The following TRIQK variants were observed in gnomAD, a reference collection of about 807,000 sequenced individuals.
TRIQK encodes the protein triple QxxK/R motif containing, also known as triple QxxK/R motif-containing protein.
A neutral mutation model predicts 10.8 loss-of-function variants in TRIQK; 10 were observed. That is an observed-to-expected ratio of 0.92 (90% confidence interval 0.57 to 1.57). TRIQK has a LOEUF of 1.57. Ranked by LOEUF, TRIQK falls within the 40% of genes most tolerant of loss-of-function variation. The pLI, the probability that TRIQK is intolerant of heterozygous loss-of-function variation, is 0.00. For missense variants in TRIQK, 107 were observed against 97.7 expected (o/e 1.09, Z -0.40); for synonymous variants, 33 against 33.7 (o/e 0.98, Z 0.07).
intron 1 of TRIQK, among the ~76,000 whole-genome samples, chr8:92,964,458 ATATATC>A (rs1226144674): frequency 5.0e-5 from 6 of 120,604 alleles, no homozygotes; most frequent in Non-Finnish European, 9.4e-5. Context: ...AGGTATATAT[ATATATC>A]TATATATATA....
chr8:92,901,548 T>G (rs1808941336), intron 3 of TRIQK, among the ~76,000 whole-genome samples: 1 of 152,194 alleles, frequency 6.6e-6, no homozygotes, highest in African/African-American at 2.4e-5. Context: ...TGTATCACAT[T>G]GTTTGATTTG....
intron 1 of TRIQK, among the ~76,000 whole-genome samples, chr8:93,001,919 C>T (rs1281149259): frequency 2.0e-5 from 3 of 152,100 alleles, no homozygotes; most frequent in Non-Finnish European, 4.4e-5. Flanking sequence ...GAAGACAGAG[C>T]TCATATTGAT....
chr8:92,921,733 T>C (rs1810201484), intron 2 of TRIQK: 2 of 151,916 alleles, frequency 1.3e-5, no homozygotes, highest in African/African-American at 4.8e-5. Context: ...TTACAATAGT[T>C]GTCATCACTG....
intron 3 of TRIQK, among the ~76,000 whole-genome samples, chr8:92,911,538 T>A (rs1411006393): frequency 2.6e-5 from 4 of 151,362 alleles, no homozygotes; most frequent in African/African-American, 9.7e-5. Context: ...AAGACTAGCT[T>A]TAGATTTAAT....
chr8:92,942,536 A>C (rs1353404768), intron 2 of TRIQK, among the ~76,000 whole-genome samples: 1 of 152,200 alleles, frequency 6.6e-6, no homozygotes, highest in Non-Finnish European at 1.5e-5. Flanking sequence ...TGGAAGTCCT[A>C]GCCAGAGAAA....
chr8:92,929,633 G>A (rs562682538), intron 2 of TRIQK: 1 of 152,220 alleles, frequency 6.6e-6, no homozygotes, highest in South Asian at 2.1e-4. Flanking sequence ...CATTGGGGGA[G>A]GGGTGTGCTG....
chr8:92,944,100 A>G (rs1811401524), intron 2 of TRIQK, among the ~76,000 whole-genome samples: 2 of 152,332 alleles, frequency 1.3e-5, no homozygotes, highest in South Asian at 4.1e-4. Flanking sequence ...AATGGCCAAC[A>G]GTTATATTAA....
intron 3 of TRIQK, among the ~76,000 whole-genome samples, chr8:92,901,870 T>G (rs558830958): frequency 6.6e-5 from 10 of 152,268 alleles, no homozygotes; most frequent in African/African-American, 2.4e-4. Context: ...GCCATCAGGT[T>G]CTGGGCTTTT....
chr8:92,970,499 T>G (rs1203587659), upstream of TRIQK, among the ~76,000 whole-genome samples: 3 of 152,232 alleles, frequency 2.0e-5, no homozygotes, highest in Non-Finnish European at 4.4e-5. Flanking sequence ...CCATTCTGAC[T>G]GGTGTGAAAT....
chr8:92,994,703 T>C (rs1813134779), intron 1 of TRIQK, among the ~76,000 whole-genome samples: 1 of 151,974 alleles, frequency 6.6e-6, no homozygotes, highest in African/African-American at 2.4e-5. Context: ...ATATATATTT[T>C]TATAATATTA....
At chr8:92,938,925 A>C (rs556903156) in intron 2 of TRIQK, among the ~76,000 whole-genome samples, 4 of 152,274 alleles carry the variant, frequency 2.6e-5, no homozygotes, top group African/African-American at 9.6e-5. Flanking sequence ...ATAACTGATT[A>C]CATTTTTTGC....
intron 4 of TRIQK, among the ~76,000 whole-genome samples, chr8:92,887,691 T>C (rs552152454): frequency 1.3e-5 from 2 of 151,752 alleles, no homozygotes; most frequent in African/African-American, 2.4e-5. Context: ...AGCAATGCAT[T>C]AGCATTTACA....
chr8:92,930,276 GTCAC>G (rs762541143), intron 2 of TRIQK, among the ~76,000 whole-genome samples: 2 of 148,748 alleles, frequency 1.3e-5, no homozygotes, highest in Non-Finnish European at 3.0e-5. Flanking sequence ...TGTAATTCCA[GTCAC>G]TCAGGAGGCT....
At chr8:92,914,630 G>C (rs1009662001) in intron 3 of TRIQK, among the ~76,000 whole-genome samples, 1 of 152,022 alleles carries the variant, frequency 6.6e-6, no homozygotes, top group African/African-American at 2.4e-5. Flanking sequence ...TGACAAACAG[G>C]TACATGGAAA....
chr8:92,926,134 G>A (rs1435075174), intron 2 of TRIQK, among the ~76,000 whole-genome samples: 1 of 151,414 alleles, frequency 6.6e-6, no homozygotes, highest in Non-Finnish European at 1.5e-5. Context: ...TTGATAAACT[G>A]TGGTTTATTC....
At chr8:92,999,929 A>T (rs1481634147) in intron 1 of TRIQK, among the ~76,000 whole-genome samples, 1 of 152,136 alleles carries the variant, frequency 6.6e-6, no homozygotes, top group Non-Finnish European at 1.5e-5. Flanking sequence ...TCATTATTTC[A>T]GTTGTTAAAA....
Position 92,916,949 on chromosome 8 carries a change from T to C in TRIQK, c.41A>G (p.Asp14Gly). The change falls in exon 3 of 5, where the codon GAT becomes GGT. Residue 14 changes from aspartate to glycine, a missense_variant. Physicochemically the swap from Asp to Gly is moderately conservative, Grantham distance 94. Transcript: ENST00000521988. ...CTTACCAATTTGTTTTCTGTACTGA[T>C]CAACAGGAAGTTTTATAGTAGCAGC... ...KDAATIKLPV[D>G]QYRKQIGKQD... 1 of 1,505,504 alleles carries C rather than the reference T, an allele frequency of 6.6e-7. No homozygotes were observed. The highest frequency in any genetic ancestry group is 8.8e-7 in the Non-Finnish European group (1 of 1,132,920). 93.3% of individuals were successfully genotyped at this position (1,505,504 alleles called of 1,614,324 possible).
intron 2 of TRIQK, among the ~76,000 whole-genome samples, chr8:92,930,390 CAAAAAAA>C (rs66513185): frequency 6.4e-5 from 3 of 47,162 alleles, no homozygotes; most frequent in Non-Finnish European, 1.1e-4. Flanking sequence ...ACTAGGTCTC[CAAAAAAA>C]AAAAAAAAAA....
chr8:92,983,867 T>G (rs546704953), intron 1 of TRIQK, among the ~76,000 whole-genome samples: 6 of 152,156 alleles, frequency 3.9e-5, no homozygotes, highest in African/African-American at 1.4e-4. Flanking sequence ...ATACAATTAT[T>G]GCTTAAACTG....
Sources: gnomAD v4.1 joint callset for allele counts (sites outside exome capture counted in the v4.1 genomes callset) on GRCh38, gnomAD v4.1.1 for gene constraint, MANE v1.5 for transcripts, NCBI Gene and HGNC (gene_info 2026-07-23, HGNC 2026-07-21) for gene names.